ELFN1: variants seen among roughly 807,000 people sequenced by gnomAD.
ELFN1 encodes protein ELFN1.
ELFN1 carries 6 observed loss-of-function variants against 7.6 expected under a neutral mutation model. That is an observed-to-expected ratio of 0.79 (90% confidence interval 0.43 to 1.56). The LOEUF is 1.56. Ranked by LOEUF, ELFN1 falls within the 40% of genes most tolerant of loss-of-function variation. The pLI, the probability that ELFN1 is intolerant of heterozygous loss-of-function variation, is 0.01. For missense variants in ELFN1, 1,169 were observed against 1,232.2 expected (o/e 0.95, Z 0.77); for synonymous variants, 657 against 588.1 (o/e 1.12, Z -1.70).
Position 1,744,435 on chromosome 7 carries a change from C to T in ELFN1, c.-162C>T. ...CGGCCGTGAGGGAGGCGCCCTCCCT[C>T]CCCGCGCTTACGTCGCGCGGCCATG... On this transcript the variant is annotated 5_prime_UTR_variant, in exon 4 of 4. Transcript: ENST00000424383. The T allele has an allele frequency of 1.2e-6, 1 of 803,054 alleles. No individual in the cohort carries two copies. The highest frequency in any genetic ancestry group is 1.8e-6 in the Non-Finnish European group (1 of 544,526). The allele number at this position is 803,054 out of a possible 1,614,324, so 49.7% of individuals were successfully genotyped here.
chr7:1,669,939 C>T (rs1484577169), upstream of ELFN1, among the ~76,000 whole-genome samples: 1 of 148,640 alleles, frequency 6.7e-6, no homozygotes, highest in African/African-American at 2.5e-5. Context: ...CGAGGACGCC[C>T]CCTGCGCTTT....
In ELFN1 at chr7:1,670,311, C is replaced by T. The variant is rs1237621084; in HGVS notation, c.-592C>T. Among the ~76,000 whole-genome samples the T allele has an allele frequency of 1.3e-5, 2 of 151,770 alleles. No individual in the cohort carries two copies. Among genetic ancestry groups the T allele is most frequent in the Non-Finnish European group, 2.9e-5 (2 of 67,870 alleles). On this transcript the variant is annotated 5_prime_UTR_variant, in exon 1 of 4. Coordinates refer to ENST00000424383, the MANE Select transcript of ELFN1 (RefSeq NM_001128636.4). This position sits in a 1 kb window ranked among gnomAD's most constrained non-coding sequence, Gnocchi z 6.4. ...AGCGAAGTTAGAGCTTGAAGGACGG[C>T]GGCGGCTGCGGGCGCAGCCCCGGAA...
chr7:1,735,253 T>C lies in ELFN1; in HGVS notation c.-293-9051T>C, dbSNP rs1003737105. On this transcript the variant is annotated intron_variant, in intron 3 of 3. Coordinates refer to ENST00000424383, the MANE Select transcript of ELFN1 (RefSeq NM_001128636.4). This position sits in a 1 kb window ranked among gnomAD's most constrained non-coding sequence, Gnocchi z 5.9. ...CACACTTGTAGGGTGTTCCTGCTCT[T>C]GGGGGCAGGGCAGGGGGAGCCCTGC... 6.6e-5 allele frequency among the ~76,000 whole-genome samples: 10 copies of C among 152,066 alleles called. No homozygotes were observed. Among genetic ancestry groups the C allele is most frequent in the Non-Finnish European group, 1.3e-4 (9 of 67,984 alleles).
At chr7:1,677,881 C>T (rs570587059) in intron 1 of ELFN1, among the ~76,000 whole-genome samples, 2 of 152,160 alleles carry the variant, frequency 1.3e-5, no homozygotes, top group South Asian at 4.2e-4. Flanking sequence ...GGCCGGCTCC[C>T]CTGTCCTTGG....
chr7:1,721,001 T>C (rs2128592873), intron 3 of ELFN1, among the ~76,000 whole-genome samples: 1 of 152,340 alleles, frequency 6.6e-6, no homozygotes, highest in South Asian at 2.1e-4. Context: ...AAAATGAGAA[T>C]GATCAGAAGA....
intron 3 of ELFN1, among the ~76,000 whole-genome samples, chr7:1,727,883 C>T (rs1404111737): frequency 1.3e-5 from 2 of 152,168 alleles, no homozygotes; most frequent in African/African-American, 4.8e-5. Context: ...TCCAGGATTA[C>T]AGGGGTGAGC....
intron 1 of ELFN1, among the ~76,000 whole-genome samples, chr7:1,680,582 A>G (rs1304882843): frequency 6.6e-6 from 1 of 152,114 alleles, no homozygotes; most frequent in Non-Finnish European, 1.5e-5. Context: ...CTGCAAGCCC[A>G]TTGCAAGGGC....
rs1274269908 is a variant in ELFN1 at position 1,673,986 on chromosome 7, C to T, written c.-549+3632C>T. On this transcript the variant is annotated intron_variant, in intron 1 of 3. Transcript: ENST00000424383. The surrounding 1 kb of genome is among the most constrained non-coding windows in gnomAD (Gnocchi z 4.7). The stretch of plus-strand genomic sequence containing the variant: ...ACCTTCAGAGGGGAGGCAGAGAGGA[C>T]GACTACTCCGCTCCCTGCTCCAGGC... 5.9e-5 allele frequency among the ~76,000 whole-genome samples: 9 copies of T among 152,246 alleles called. No individual in the cohort carries two copies. Among genetic ancestry groups the T allele is most frequent in the Admixed American group, 3.3e-4 (5 of 15,294 alleles).
intron 3 of ELFN1, among the ~76,000 whole-genome samples, chr7:1,711,647 G>A (rs143401048): frequency 8.3e-4 from 124 of 150,134 alleles, no homozygotes; most frequent in African/African-American, 2.9e-3. Flanking sequence ...GGGAGAAAGC[G>A]CACTCGGAAA....
In ELFN1 at chr7:1,670,475, GTGCGCCCCCAGCCCCTGC is replaced by G. The variant is rs1487534295; in HGVS notation, c.-549+133_-549+150del. Among the ~76,000 whole-genome samples the G allele has an allele frequency of 3.3e-5, 5 of 150,662 alleles. No individual in the cohort carries two copies. Among genetic ancestry groups the G allele is most frequent in the African/African-American group, 1.2e-4 (5 of 40,956 alleles). On this transcript the variant is annotated intron_variant, in intron 1 of 3. Transcript: ENST00000424383. This position sits in a 1 kb window ranked among gnomAD's most constrained non-coding sequence, Gnocchi z 6.4. ...CCCCGGGCGTCCCCGAGTGCGCAGC[GTGCGCCCCCAGCCCCTGC>G]TGCGCCCCCAGGCCTGGCGCGCGAT... is the stretch of plus-strand genomic sequence containing the variant.
intron 2 of ELFN1, among the ~76,000 whole-genome samples, chr7:1,708,089 G>C (rs1387869338): frequency 6.6e-6 from 1 of 152,006 alleles, no homozygotes; most frequent in Non-Finnish European, 1.5e-5. Flanking sequence ...ACCTCCTCTG[G>C]TCCCTGCACC....
intron 2 of ELFN1, among the ~76,000 whole-genome samples, chr7:1,690,762 T>G (rs1583320732): frequency 6.6e-6 from 1 of 150,420 alleles, no homozygotes; most frequent in Non-Finnish European, 1.5e-5. Context: ...GGTGGGTGGG[T>G]GGATGGATGG....
intron 1 of ELFN1, among the ~76,000 whole-genome samples, chr7:1,677,988 T>A (rs921848201): frequency 6.6e-6 from 1 of 152,016 alleles, no homozygotes; most frequent in Non-Finnish European, 1.5e-5. Context: ...CATTACATTG[T>A]CCCCACAGAG....
chr7:1,667,922 C>T (rs1027329265), upstream of ELFN1, among the ~76,000 whole-genome samples: 4 of 117,896 alleles, frequency 3.4e-5, no homozygotes, highest in Non-Finnish European at 4.8e-5. This position sits in a 1 kb window ranked among gnomAD's most constrained non-coding sequence, Gnocchi z 8.2. Flanking sequence ...GCCGGGACTC[C>T]GGGGACTCGG....
At chr7:1,694,013 G>A (rs1357464120) in intron 2 of ELFN1, 2 of 360,498 alleles carry the variant, frequency 5.5e-6, no homozygotes, top group African/African-American at 2.1e-5. Context: ...GTGCACCGAC[G>A]CTTAGAGCTG....
intron 2 of ELFN1, chr7:1,693,491 G>A (rs764364466): frequency 8.5e-6 from 4 of 471,086 alleles, no homozygotes; most frequent in African/African-American, 2.0e-5. Context: ...CAGGGACAGA[G>A]TATACGATGT....
chr7:1,726,875 T>A (rs1056387644), intron 3 of ELFN1, among the ~76,000 whole-genome samples: 2 of 152,196 alleles, frequency 1.3e-5, no homozygotes, highest in Non-Finnish European at 2.9e-5. Flanking sequence ...CCATGTCTGC[T>A]GAGACAGGAG....
intron 3 of ELFN1, among the ~76,000 whole-genome samples, chr7:1,724,768 C>T (rs181160572): frequency 5.9e-5 from 9 of 152,304 alleles, no homozygotes; most frequent in Admixed American, 3.9e-4. Context: ...TCCGTGGATT[C>T]GCAGGTTCAC....
chr7:1,694,181 C>T (rs773108916), intron 2 of ELFN1: 10 of 206,734 alleles, frequency 4.8e-5, no homozygotes, highest in Non-Finnish European at 1.0e-4. Context: ...ATGCCCACCT[C>T]CATCTGGAAG....
Sources: gnomAD v4.1 joint callset for allele counts (sites outside exome capture counted in the v4.1 genomes callset) on GRCh38, gnomAD v4.1.1 for gene constraint, Gnocchi (gnomAD v3.1) non-coding constraint, MANE v1.5 for transcripts, NCBI Gene and HGNC (gene_info 2026-07-23, HGNC 2026-07-21) for gene names.